Variants in TMOD3 observed in about 807,000 individuals in gnomAD.
The protein encoded by TMOD3 is tropomodulin 3.
TMOD3 carries 20 observed loss-of-function variants against 39.2 expected under a neutral mutation model. That is an observed-to-expected ratio of 0.51 (90% CI 0.36 to 0.74). The LOEUF is 0.74. Ranked by LOEUF, TMOD3 falls within the 30% of genes least tolerant of loss-of-function variation. TMOD3 has a pLI of 0.00. For missense variants in TMOD3, 381 were observed against 412.8 expected (o/e 0.92, Z 0.67); for synonymous variants, 143 against 145.8 (o/e 0.98, Z 0.14).
chr15:51,859,360 A>G (rs1218556761), intron 1 of TMOD3: 2 of 702,228 alleles, frequency 2.8e-6, no homozygotes, highest in African/African-American at 3.5e-5. Context: ...ACAGATCCAA[A>G]CTCTCTCAAA....
chr15:51,886,896 A>G (rs2056567167), intron 3 of TMOD3, among the ~76,000 whole-genome samples: 1 of 152,198 alleles, frequency 6.6e-6, no homozygotes, highest in East Asian at 1.9e-4. Flanking sequence ...GCTATCCCCC[A>G]TGTGACAATA....
chr15:51,853,622 T>C (rs1478116137), intron 1 of TMOD3, among the ~76,000 whole-genome samples: 1 of 152,144 alleles, frequency 6.6e-6, no homozygotes, highest in Non-Finnish European at 1.5e-5. Flanking sequence ...ACATACAACC[T>C]GTGGTTATAA....
intron 1 of TMOD3, among the ~76,000 whole-genome samples, chr15:51,856,844 A>G (rs1215203448): frequency 6.6e-6 from 1 of 152,218 alleles, no homozygotes; most frequent in Non-Finnish European, 1.5e-5. Context: ...TCAAGCAATC[A>G]CTTTGAAAAT....
chr15:51,850,603 A>G (rs1309255181), intron 1 of TMOD3, among the ~76,000 whole-genome samples: 1 of 152,218 alleles, frequency 6.6e-6, no homozygotes, highest in South Asian at 2.1e-4. Context: ...CTAGAATATT[A>G]GAATTATTAG....
chr15:51,882,647 G>C (rs58471786), intron 3 of TMOD3, among the ~76,000 whole-genome samples: 2,681 of 152,216 alleles, frequency 0.018, 81 homozygotes, highest in East Asian at 0.075. Context: ...TTTATTTCTG[G>C]ATTTTTGGTT....
chr15:51,904,248 C>T (rs2056666697), intron 9 of TMOD3, among the ~76,000 whole-genome samples: 1 of 152,186 alleles, frequency 6.6e-6, no homozygotes, highest in Non-Finnish European at 1.5e-5. Context: ...TTTTAAATTG[C>T]CTTTTACTCA....
chr15:51,831,327 A>G (rs2056253875), intron 1 of TMOD3, among the ~76,000 whole-genome samples: 1 of 152,240 alleles, frequency 6.6e-6, no homozygotes, highest in Non-Finnish European at 1.5e-5. Context: ...ATCCCATTCA[A>G]AGATTTTTCG....
At chr15:51,863,418 A>G (rs1034411988) in intron 2 of TMOD3, among the ~76,000 whole-genome samples, 5 of 152,180 alleles carry the variant, frequency 3.3e-5, no homozygotes, top group African/African-American at 1.2e-4. Flanking sequence ...CCCTAAATCT[A>G]ATTGTTCCCT....
intron 1 of TMOD3, among the ~76,000 whole-genome samples, chr15:51,849,745 A>G (rs1489010438): frequency 6.6e-6 from 1 of 152,178 alleles, no homozygotes; most frequent in Non-Finnish European, 1.5e-5. Flanking sequence ...AGCCTGGCCA[A>G]CATGGTGAAA....
intron 1 of TMOD3, among the ~76,000 whole-genome samples, chr15:51,838,076 T>G (rs550737605): frequency 6.6e-6 from 1 of 152,320 alleles, no homozygotes; most frequent in African/African-American, 2.4e-5. Flanking sequence ...GGAGGCGTAC[T>G]TACTTCTGTG....
At chr15:51,859,315 G>T in intron 1 of TMOD3, 1 of 727,022 alleles carries the variant, frequency 1.4e-6, no homozygotes, top group Non-Finnish European at 2.6e-6. Context: ...TGGTTCAATG[G>T]TTCCTTGATA....
At chr15:51,842,305 TCATGTCAC>T (rs2056316252) in intron 1 of TMOD3, among the ~76,000 whole-genome samples, 1 of 152,194 alleles carries the variant, frequency 6.6e-6, no homozygotes, top group Non-Finnish European at 1.5e-5. Context: ...ATACCCTAGC[TCATGTCAC>T]CAGATTACTT....
At chr15:51,881,123 T>C (rs2056531161) in intron 3 of TMOD3, among the ~76,000 whole-genome samples, 1 of 152,246 alleles carries the variant, frequency 6.6e-6, no homozygotes, top group Non-Finnish European at 1.5e-5. Flanking sequence ...TTTTTGGAAA[T>C]GGAGTCTTGC....
Position 51,863,018 on chromosome 15 carries a change from C to G in TMOD3, c.126+8C>G. 1 of 1,606,360 alleles carries G rather than the reference C, an allele frequency of 6.2e-7. No homozygotes were observed. Among genetic ancestry groups the G allele is most frequent in the Non-Finnish European group, 8.5e-7 (1 of 1,177,584 alleles). On this transcript the variant is annotated splice_region_variant and intron_variant, in intron 2 of 9. Coordinates refer to ENST00000308580, the MANE Select transcript of TMOD3 (RefSeq NM_014547.5). The stretch of plus-strand genomic sequence containing the variant: ...GATGATCTTGACCCCGAGGTAGGTG[C>G]TAGGTGATGAAGAGAAATGAAATAA...
chr15:51,861,350 C>A, intron 1 of TMOD3: 1 of 207,640 alleles, frequency 4.8e-6, no homozygotes. Flanking sequence ...GTGCAGGAAG[C>A]TCCCCCATTT....
chr15:51,845,940 G>A (rs1012238444), intron 1 of TMOD3, among the ~76,000 whole-genome samples: 2 of 152,082 alleles, frequency 1.3e-5, no homozygotes, highest in African/African-American at 4.8e-5. Flanking sequence ...AAGAAAGGGA[G>A]CTTCAGTTAT....
chr15:51,894,589 C>G (rs2056611724), intron 6 of TMOD3, among the ~76,000 whole-genome samples: 1 of 152,186 alleles, frequency 6.6e-6, no homozygotes, highest in African/African-American at 2.4e-5. Context: ...TGACCCCCAG[C>G]TCTAGCCCCT....
rs1384640659 is a variant in TMOD3, at chr15:51,911,614, T to G, written c.*2804T>G. ...CCTTAGGTTTTGTAGTCTAACCAGC[T>G]TATGTGGTTATTTAAAAGAATATTC... On this transcript the variant is annotated 3_prime_UTR_variant, in exon 10 of 10. Coordinates refer to ENST00000308580, the MANE Select transcript of TMOD3 (RefSeq NM_014547.5). 6.6e-6 allele frequency: 1 copy of G among 152,220 alleles called. No homozygotes were observed. The highest frequency in any genetic ancestry group is 1.5e-5 in the Non-Finnish European group (1 of 68,028). 9.4% of individuals were successfully genotyped at this position (152,220 alleles called of 1,614,324 possible).
chr15:51,866,253 C>T (rs2056444912), intron 2 of TMOD3, among the ~76,000 whole-genome samples: 1 of 151,958 alleles, frequency 6.6e-6, no homozygotes, highest in Non-Finnish European at 1.5e-5. Context: ...GCAGGAGTTC[C>T]AGACCATCCT....
Sources: allele counts gnomAD v4.1 joint callset (sites outside exome capture counted in the v4.1 genomes callset), GRCh38; gene constraint gnomAD v4.1.1; transcripts MANE v1.5; gene names NCBI Gene and HGNC (gene_info 2026-07-23, HGNC 2026-07-21).